Variants in CHRNB3 observed in about 807,000 individuals in gnomAD.
CHRNB3 encodes the protein neuronal acetylcholine receptor subunit beta-3.
Under a neutral mutation model 40.6 loss-of-function variants are expected in CHRNB3, and 37 were observed. The observed-to-expected ratio is 0.91, with a 90% CI of 0.70 to 1.20. The LOEUF is 1.20. Among genes scored for constraint, CHRNB3 ranks in the 50% most tolerant of loss-of-function variants. The probability of loss-of-function intolerance (pLI) is 0.00; values close to 1 mark genes in which losing one functional copy is unlikely to be tolerated. For synonymous variants in CHRNB3, 207 were observed against 207.1 expected, an observed-to-expected ratio of 1.00 and a Z score of 0.00; for missense variants, 505 against 551.2, an observed-to-expected ratio of 0.92 and a Z score of 0.84.
At position 42,717,369 on chromosome 8, in the gene CHRNB3, G is replaced by A. The variant is rs546545551; in HGVS notation, c.249+6935G>A. 2.8e-4 allele frequency among the ~76,000 whole-genome samples: 3 copies of A among 10,574 alleles called. No individual in the cohort carries two copies. The East Asian group carries it at 9.6e-3, about 34-fold the overall frequency. The allele number at this position is 10,574 out of a possible 152,430, so 6.9% of individuals were successfully genotyped here. A position where few individuals can be genotyped will look rare whatever the true frequency, so the allele number is the denominator to read the frequency against. On this transcript the variant is annotated intron_variant, in intron 3 of 5. Coordinates refer to ENST00000289957, the MANE Select transcript of CHRNB3 (RefSeq NM_000749.5). ...AGCCTGGGTGACAGAGCGAGACTCC[G>A]TCTCAAAAAAAAAAAAAAAAAAAAA...
intron 3 of CHRNB3, among the ~76,000 whole-genome samples, chr8:42,727,387 A>G (rs1019988891): frequency 3.6e-4 from 54 of 151,588 alleles, no homozygotes; most frequent in South Asian, 2.1e-4. Flanking sequence ...AAAAAAAAAA[A>G]AAAGAAAGAA....
In CHRNB3 at chr8:42,736,413, T is replaced by G. The variant is rs73633751; in HGVS notation, c.1243-71T>G. ...TATAAATCTGAATGTTACTCTTTTTTAATCCCTTGAGATGAATACAGAACA... is the reference window on the plus strand; with the variant it reads ...TATAAATCTGAATGTTACTCTTTTTGAATCCCTTGAGATGAATACAGAACA... On this transcript the variant is annotated intron_variant, in intron 5 of 5. Transcript: ENST00000289957. 7.7e-3 allele frequency: 11,904 copies of G among 1,542,404 alleles called. 845 individuals are homozygous for G. The African/African-American group carries it at 0.15, about 19-fold the overall frequency.
chr8:42,724,907 C>T (rs1169054911), intron 3 of CHRNB3, among the ~76,000 whole-genome samples: 4 of 150,766 alleles, frequency 2.7e-5, no homozygotes, highest in Admixed American at 6.6e-5. Flanking sequence ...GGCTTGAACC[C>T]GGGAGGCGGA....
intron 3 of CHRNB3, among the ~76,000 whole-genome samples, chr8:42,720,314 C>T (rs78418225): frequency 0.056 from 8,442 of 151,368 alleles, 307 homozygotes; most frequent in Middle Eastern, 0.1. Flanking sequence ...CGGGGTTTCA[C>T]CATGTTGGCC....
intron 3 of CHRNB3, among the ~76,000 whole-genome samples, chr8:42,730,050 G>T (rs749806808): frequency 3.9e-5 from 6 of 152,154 alleles, no homozygotes; most frequent in Non-Finnish European, 8.8e-5. Context: ...AAACTTAAAA[G>T]AAAATGCTGG....
At chr8:42,711,507 G>A (rs1586396610) in intron 3 of CHRNB3, among the ~76,000 whole-genome samples, 1 of 151,788 alleles carries the variant, frequency 6.6e-6, no homozygotes, top group East Asian at 1.9e-4. Context: ...TGATTCTTGT[G>A]CCTCAGCCTC....
At position 42,736,558 on chromosome 8, in the gene CHRNB3, A is replaced by G; in HGVS notation, c.1317A>G (p.Val439=). Residue 439 remains valine, a synonymous_variant, in exon 6 of 6, where the codon GTA becomes GTG. Coordinates refer to ENST00000289957, the MANE Select transcript of CHRNB3 (RefSeq NM_000749.5). The part of the protein sequence containing the change: ...IFLWLFLIVS[V]TGSVLIFTPA... Reference sequence around the variant, plus strand: ...TGTGGCTCTTTCTGATAGTGTCAGTAACAGGCTCGGTTCTGATTTTTACCC... The same window carrying G: ...TGTGGCTCTTTCTGATAGTGTCAGTGACAGGCTCGGTTCTGATTTTTACCC... 1 of 1,614,212 alleles carries G rather than the reference A, an allele frequency of 6.2e-7. No homozygotes were observed. Among genetic ancestry groups the G allele is most frequent in the Non-Finnish European group, 8.5e-7 (1 of 1,180,042 alleles).
chr8:42,724,713 T>A (rs1816275780), intron 3 of CHRNB3, among the ~76,000 whole-genome samples: 1 of 152,098 alleles, frequency 6.6e-6, no homozygotes, highest in South Asian at 2.1e-4. Context: ...GCGCGGTGGC[T>A]CACGCCTGTA....
In CHRNB3 at chr8:42,736,080, G is replaced by A. The variant is rs578078753; in HGVS notation, c.1243-404G>A. ...GGAGTTTCACCATGTTGGCCAGCTC[G>A]TCTCGAACTCCTGACCTCAGGTGAT... is the stretch of plus-strand genomic sequence containing the variant. On this transcript the variant is annotated intron_variant, in intron 5 of 5. Coordinates refer to ENST00000289957, the MANE Select transcript of CHRNB3 (RefSeq NM_000749.5). Among the ~76,000 whole-genome samples the A allele has an allele frequency of 7.2e-5, 11 of 152,182 alleles. No homozygotes were observed. In the South Asian group the frequency reaches 1.5e-3, roughly 20 times the overall value.
At position 42,717,039 on chromosome 8, in the gene CHRNB3, C is replaced by T. The variant is rs544598008; in HGVS notation, c.249+6605C>T. ...CAAAAAGTTCAGCAAACATGAAGGT[C>T]TTATTGGATAGACCCCTGGAGCTGA... On this transcript the variant is annotated intron_variant, in intron 3 of 5. Transcript: ENST00000289957. Among the ~76,000 whole-genome samples, 20 of 152,116 alleles carry T rather than the reference C, an allele frequency of 1.3e-4. 1 individual carries two copies. The highest frequency in any genetic ancestry group is 4.6e-4 in the African/African-American group (19 of 41,458).
intron 1 of CHRNB3, among the ~76,000 whole-genome samples, chr8:42,698,817 T>A (rs1815724858): frequency 6.6e-6 from 1 of 152,210 alleles, no homozygotes; most frequent in African/African-American, 2.4e-5. Context: ...CTTACCACTC[T>A]TTTCCCAAGG....
In CHRNB3 at chr8:42,730,717, T is replaced by C; in HGVS notation, c.359+14T>C. The C allele has an allele frequency of 1.3e-6, 2 of 1,489,938 alleles. No individual in the cohort carries two copies. The highest frequency in any genetic ancestry group is 1.8e-6 in the Non-Finnish European group (2 of 1,085,968). The allele number at this position is 1,489,938 out of a possible 1,614,324, so 92.3% of individuals were successfully genotyped here. A position where few individuals can be genotyped will look rare whatever the true frequency, so the allele number is the denominator to read the frequency against. ...TCTCTTTGAAAAGTAAGTATCACATTGTTTCTTACTTATGGGGAAAAAAAT... is the reference window on the plus strand; with the variant it reads ...TCTCTTTGAAAAGTAAGTATCACATCGTTTCTTACTTATGGGGAAAAAAAT... On this transcript the variant is annotated intron_variant, in intron 4 of 5. Transcript: ENST00000289957.
intron 3 of CHRNB3, chr8:42,726,348 T>C: frequency 1.9e-6 from 1 of 515,348 alleles, no homozygotes; most frequent in Non-Finnish European, 3.4e-6. Context: ...ATTGTCTATG[T>C]AGAAAATCTA....
chr8:42,702,301 A>G (rs1815821658), intron 1 of CHRNB3, among the ~76,000 whole-genome samples: 1 of 152,138 alleles, frequency 6.6e-6, no homozygotes, highest in South Asian at 2.1e-4. Context: ...TTTAAAATAG[A>G]AATAAACATT....
At chr8:42,714,429 G>T (rs1419063097) in intron 3 of CHRNB3, among the ~76,000 whole-genome samples, 1 of 152,006 alleles carries the variant, frequency 6.6e-6, no homozygotes, top group Non-Finnish European at 1.5e-5. Flanking sequence ...TTGTACCTGG[G>T]AGCCGAGATC....
At chr8:42,718,793 C>CATTT (rs1482011201) in intron 3 of CHRNB3, among the ~76,000 whole-genome samples, 2 of 151,034 alleles carry the variant, frequency 1.3e-5, no homozygotes, top group African/African-American at 4.9e-5. Context: ...TTTAGCTAGA[C>CATTT]ATTTATGAGT....
intron 1 of CHRNB3, among the ~76,000 whole-genome samples, chr8:42,705,411 G>A (rs1815905901): frequency 6.6e-6 from 1 of 152,208 alleles, no homozygotes; most frequent in African/African-American, 2.4e-5. Flanking sequence ...GGGAGGTGGG[G>A]CCTAATGGTA....
At chr8:42,725,937 G>A (rs60926557) in intron 3 of CHRNB3, 44,833 of 936,838 alleles carry the variant, frequency 0.048, 1,527 homozygotes, top group Middle Eastern at 0.11. Flanking sequence ...GTAAACTCAC[G>A]CCATCAATCC....
At chr8:42,718,496 A>T (rs1372370577) in intron 3 of CHRNB3, among the ~76,000 whole-genome samples, 1 of 151,718 alleles carries the variant, frequency 6.6e-6, no homozygotes, top group South Asian at 2.1e-4. Context: ...ACACAGTGAA[A>T]CCCCATTTCT....
Sources: gnomAD v4.1 joint callset for allele counts (sites outside exome capture counted in the v4.1 genomes callset) on GRCh38, gnomAD v4.1.1 for gene constraint, MANE v1.5 for transcripts, NCBI Gene and HGNC (gene_info 2026-07-23, HGNC 2026-07-21) for gene names.